The following MBD1 variants were observed in gnomAD, a reference collection of about 807,000 sequenced individuals.
The protein encoded by MBD1 is methyl-CpG binding domain protein 1, also known as methyl-CpG-binding domain protein 1.
A neutral mutation model predicts 82.6 loss-of-function variants in MBD1; 25 were observed. The observed-to-expected ratio is 0.30, with a 90% confidence interval of 0.22 to 0.42. The LOEUF (loss-of-function observed/expected upper bound fraction) is 0.42, where lower values mean the gene tolerates loss of function less well. Ranked by LOEUF, MBD1 falls within the 10% of genes least tolerant of loss-of-function variation. The pLI is 1.00. For missense variants in MBD1, 627 were observed against 819.6 expected (o/e 0.76, Z 2.87); for synonymous variants, 301 against 303.7 (o/e 0.99, Z 0.09).
chr18:50,275,994 G>T lies in MBD1; in HGVS notation c.517-13C>A, dbSNP rs915373223. 1.9e-6 allele frequency: 3 copies of T among 1,609,886 alleles called. No individual in the cohort carries two copies. The highest frequency in any genetic ancestry group is 2.7e-5 in the African/African-American group (2 of 74,890). On this transcript the variant is annotated splice_polypyrimidine_tract_variant and intron_variant, in intron 6 of 16. Coordinates refer to ENST00000269468, the MANE Select transcript of MBD1 (RefSeq NM_015846.4). ...CACAGCCCACACGCTGCCAGGAATGGTAGGGACGAGATCACGGGCCTGCTC... is the reference window on the plus strand; with the variant it reads ...CACAGCCCACACGCTGCCAGGAATGTTAGGGACGAGATCACGGGCCTGCTC...
At chr18:50,273,105 A>T in intron 13 of MBD1, 150 bp from the exon 14 acceptor site, 1 of 1,247,956 alleles carries the variant, frequency 8.0e-7, no homozygotes, top group Non-Finnish European at 1.1e-6. Context: ...AAGCTTTCCC[A>T]TTCCCATTCC....
intron 2 of MBD1, among the ~76,000 whole-genome samples, chr18:50,277,673 T>C (rs1241199778): frequency 6.6e-6 from 1 of 152,112 alleles, no homozygotes; most frequent in African/African-American, 2.4e-5. Context: ...CCCCCATGGG[T>C]TTCTTGCATT....
Position 50,272,964 on chromosome 18 carries a change from A to C in MBD1, c.1585-9T>G. The C allele has an allele frequency of 6.2e-7, 1 of 1,614,110 alleles. No homozygotes were observed. Among genetic ancestry groups the C allele is most frequent in the Non-Finnish European group, 8.5e-7 (1 of 1,180,014 alleles). On this transcript the variant is annotated splice_polypyrimidine_tract_variant and intron_variant, in intron 13 of 16. Transcript: ENST00000269468. ...AGGCCTGGGTCTACTGCCTGGGAGAAGTAGGAAACAGGCAACCATTAGAAG... is the reference window on the plus strand; with the variant it reads ...AGGCCTGGGTCTACTGCCTGGGAGACGTAGGAAACAGGCAACCATTAGAAG...
At chr18:50,268,315 A>C (rs537449352), downstream of MBD1, among the ~76,000 whole-genome samples, 1 of 152,220 alleles carries the variant, frequency 6.6e-6, no homozygotes, top group Non-Finnish European at 1.5e-5. Flanking sequence ...GGAATTTCTG[A>C]GGCGATGGGG....
rs1436844251 is a variant in MBD1 at position 50,273,875 on chromosome 18, G to C, written c.1147-12C>G. 1 of 1,611,156 alleles carries C rather than the reference G, an allele frequency of 6.2e-7. No homozygotes were observed. The highest frequency in any genetic ancestry group is 1.1e-5 in the South Asian group (1 of 91,080). On this transcript the variant is annotated splice_polypyrimidine_tract_variant and intron_variant, in intron 11 of 16. Coordinates refer to ENST00000269468, the MANE Select transcript of MBD1 (RefSeq NM_015846.4). ...GGCAGCAGCCGCTTCTATGGGGAAAGATAGGGTGCTATGGCTACCTGGTGT... is the reference window on the plus strand; with the variant it reads ...GGCAGCAGCCGCTTCTATGGGGAAACATAGGGTGCTATGGCTACCTGGTGT...
rs1274467881 is a variant in MBD1, at chr18:50,273,824, C to T, written c.1186G>A (p.Gly396Arg). 2 of 1,613,492 alleles carry T rather than the reference C, an allele frequency of 1.2e-6. No homozygotes were observed. The highest frequency in any genetic ancestry group is 1.7e-6 in the Non-Finnish European group (2 of 1,180,042). The change falls in exon 12 of 17, where the codon GGG (glycine) becomes AGG (arginine). Residue 396 changes from glycine (G) to arginine (R), a missense_variant. Around this residue, in one of 6 missense-constraint regions of MBD1, gnomAD observed 265 missense variants for 278.4 expected, o/e 0.95. Coordinates refer to ENST00000269468, the MANE Select transcript of MBD1 (RefSeq NM_015846.4). ...LPSVWSESEDGAGSPPPYRRR... is the reference protein window; with the variant it reads ...LPSVWSESEDRAGSPPPYRRR... ...CGGTAAGGTGGGGGCGATCCTGCCC[C>T]ATCCTCAGACTCTGACCAGACACTG...
chr18:50,277,420 T>A (rs974539562), intron 2 of MBD1, among the ~76,000 whole-genome samples: 1 of 152,008 alleles, frequency 6.6e-6, no homozygotes. Flanking sequence ...TGTAAACAGA[T>A]GAACATATTT....
At position 50,276,428 on chromosome 18, in the gene MBD1, G is replaced by A; in HGVS notation, c.476-10C>T. The A allele has an allele frequency of 6.2e-7, 1 of 1,613,990 alleles. No individual in the cohort carries two copies. The highest frequency in any genetic ancestry group is 2.2e-5 in the East Asian group (1 of 44,880). ...AAGGCAATTCTCTGTGCTGTGGGGA[G>A]GAAGAGGGAAGAAGAAAAGTGGAAA... On this transcript the variant is annotated splice_polypyrimidine_tract_variant and intron_variant, in intron 5 of 16. Coordinates refer to ENST00000269468, the MANE Select transcript of MBD1 (RefSeq NM_015846.4).
chr18:50,275,564 AGCAGAATGAGCTCT>A (rs759729229), intron 8 of MBD1, 22 bp downstream of exon 8: 1 of 1,614,116 alleles, frequency 6.2e-7, no homozygotes, highest in South Asian at 1.1e-5. Context: ...CGATTTTAAC[AGCAGAATGAGCTCT>A]GCTCCCTCCA....
In MBD1 at chr18:50,275,234, G is replaced by A. The variant is rs747281494; in HGVS notation, c.804C>T (p.Ala268=). ...TGGAGTCACAGCCTCCCTTGCGGCG[G>A]GCATGTTTACCCTGGGAAAGATCAG... The part of the protein sequence containing the change: ...VQRRCLRGKH[A]RRKGGCDSKM... Residue 268 remains alanine, a synonymous_variant, in exon 9 of 17, where the codon GCC becomes GCT. Transcript: ENST00000269468. The A allele has an allele frequency of 1.2e-6, 2 of 1,614,142 alleles. No individual in the cohort carries two copies. Among genetic ancestry groups the A allele is most frequent in the South Asian group, 2.2e-5 (2 of 91,082 alleles).
At chr18:50,277,809 G>A (rs2038621527) in intron 2 of MBD1, among the ~76,000 whole-genome samples, 1 of 152,090 alleles carries the variant, frequency 6.6e-6, no homozygotes, top group African/African-American at 2.4e-5. Context: ...GGAAGGGAAA[G>A]TATACTTTTT....
rs2040232056 is a variant in MBD1 at position 50,281,427 on chromosome 18, C to G, written c.-90G>C. The G allele has an allele frequency of 1.7e-6, 1 of 601,744 alleles. No individual in the cohort carries two copies. Among genetic ancestry groups the G allele is most frequent in the African/African-American group, 1.9e-5 (1 of 53,888 alleles). The allele number at this position is 601,744 out of a possible 1,614,324, so 37.3% of individuals were successfully genotyped here. Reference sequence around the variant, plus strand: ...CCGTGGACCCATGGCGAGGGTCCCTCCTGCACCTCCCGCCTCGCCCTCCTC... The same window carrying G: ...CCGTGGACCCATGGCGAGGGTCCCTGCTGCACCTCCCGCCTCGCCCTCCTC... On this transcript the variant is annotated 5_prime_UTR_variant, in exon 1 of 17. Coordinates refer to ENST00000269468, the MANE Select transcript of MBD1 (RefSeq NM_015846.4).
In MBD1 at chr18:50,281,490, G is replaced by C; in HGVS notation, c.-153C>G. The C allele has an allele frequency of 1.7e-6, 1 of 583,954 alleles. No individual in the cohort carries two copies. Among genetic ancestry groups the C allele is most frequent in the Non-Finnish European group, 3.0e-6 (1 of 328,680 alleles). 36.2% of individuals were successfully genotyped at this position (583,954 alleles called of 1,614,324 possible). A position where few individuals can be genotyped will look rare whatever the true frequency, so the allele number is the denominator to read the frequency against. On this transcript the variant is annotated 5_prime_UTR_variant, in exon 1 of 17. Transcript: ENST00000269468. ...CTCCGCGGCCGCCTCCTCTGAAGCG[G>C]TAGCTGTCGCCTCCGCGGCTGTTCG...
rs140046193 is a variant in MBD1 at position 50,276,895 on chromosome 18, T to G, written c.329A>C (p.Glu110Ala). 2.5e-5 allele frequency: 40 copies of G among 1,614,248 alleles called. No homozygotes were observed. The African/African-American group carries it at 4.4e-4, about 18-fold the overall frequency. ...VGPQSGEVRK[E>A]APRDETKADT... ...AGCCTTGGTCTCATCCCTCGGGGCC[T>G]CCTTCCTGACCTCACCACTCTGGGG... is the stretch of plus-strand genomic sequence containing the variant. Residue 110 changes from glutamate (E) to alanine (A), a missense_variant, in exon 4 of 17, where the codon GAG becomes GCG. By Grantham distance (107) the Glu-to-Ala change is moderately radical (BLOSUM62 -1). This residue lies in a region of MBD1 where 75 missense variants were observed against 74.7 expected (regional missense o/e 1.00). Coordinates refer to ENST00000269468, the MANE Select transcript of MBD1 (RefSeq NM_015846.4).
At position 50,272,657 on chromosome 18, in the gene MBD1, C is replaced by T; in HGVS notation, c.1778+20G>A. 1 of 1,614,120 alleles carries T rather than the reference C, an allele frequency of 6.2e-7. No homozygotes were observed. ...GGCCAACACCCACTCCTTCCCCACCCCTCACTGTGTGGGGCACACCTTGGC... is the reference window on the plus strand; with the variant it reads ...GGCCAACACCCACTCCTTCCCCACCTCTCACTGTGTGGGGCACACCTTGGC... On this transcript the variant is annotated intron_variant, in intron 15 of 16. Transcript: ENST00000269468.
Position 50,275,643 on chromosome 18 carries a change from C to A in MBD1, c.749G>T (p.Gly250Val), listed in dbSNP as rs758905952. Residue 250 changes from glycine to valine, a missense_variant, in exon 8 of 17, where the codon GGT (glycine) becomes GTT (valine). By Grantham distance (109) the Gly-to-Val change is moderately radical. Transcript: ENST00000269468. ...CPICLRPPRP[G>V]LRRQWKCVQR... is the part of the protein sequence containing the mutation. ...GACACATTTCCACTGGCGCCTGAGACCAGGGCGGGGAGGGCGAAGGCAGAT... is the reference window on the plus strand; with the variant it reads ...GACACATTTCCACTGGCGCCTGAGAACAGGGCGGGGAGGGCGAAGGCAGAT... 6.2e-7 allele frequency: 1 copy of A among 1,614,200 alleles called. No individual in the cohort carries two copies. Among genetic ancestry groups the A allele is most frequent in the African/African-American group, 1.3e-5 (1 of 75,062 alleles).
chr18:50,270,270 GGC>G, intron 16 of MBD1: 1 of 977,018 alleles, frequency 1.0e-6, no homozygotes, highest in Non-Finnish European at 1.6e-6. Context: ...AGGCAAGGGA[GGC>G]ACACAGGATA....
chr18:50,273,379 T>C lies in MBD1; in HGVS notation c.1539A>G (p.Thr513=), dbSNP rs1257382655. 33 of 1,614,198 alleles carry C rather than the reference T, an allele frequency of 2.0e-5. No individual in the cohort carries two copies. The highest frequency in any genetic ancestry group is 2.8e-5 in the Non-Finnish European group (33 of 1,180,028). ...CCAATACGGGAGAAGTCAGGACAGCTGTGCCTGGTGTCCACTCGTCCTGGG... is the reference window on the plus strand; with the variant it reads ...CCAATACGGGAGAAGTCAGGACAGCCGTGCCTGGTGTCCACTCGTCCTGGG... ...ADTQDEWTPG[T]AVLTSPVLVP... Residue 513 remains threonine (T), a synonymous_variant, in exon 13 of 17, where the codon ACA becomes ACG. Coordinates refer to ENST00000269468, the MANE Select transcript of MBD1 (RefSeq NM_015846.4).
intron 6 of MBD1, 55 bp downstream of exon 6, chr18:50,276,323 C>T: frequency 6.4e-7 from 1 of 1,561,528 alleles, no homozygotes; most frequent in Admixed American, 1.7e-5. Flanking sequence ...TCTACCAGCT[C>T]CATCACATCC....
Sources: gnomAD v4.1 joint callset for allele counts (sites outside exome capture counted in the v4.1 genomes callset) on GRCh38, gnomAD v4.1.1 for gene constraint, gnomAD v4.1.1 regional missense constraint, MANE v1.5 for transcripts, NCBI Gene and HGNC (gene_info 2026-07-23, HGNC 2026-07-21) for gene names.